ERC2: variants seen among roughly 807,000 people sequenced by gnomAD.
ERC2 encodes ERC protein 2.
ERC2 carries 42 observed loss-of-function variants against 114.8 expected under a neutral mutation model. The observed-to-expected ratio is 0.37, with a 90% CI of 0.29 to 0.47. ERC2 has a LOEUF of 0.47. Ranked by LOEUF, ERC2 falls within the 20% of genes least tolerant of loss-of-function variation. ERC2 has a pLI of 0.99. For synonymous variants in ERC2, 454 were observed against 425.5 expected (o/e 1.07, Z -0.82); for missense variants, 939 against 1,150.7 (o/e 0.82, Z 2.66).
chr3:55,967,313 A>G (rs1020913225), intron 12 of ERC2, among the ~76,000 whole-genome samples: 3 of 152,208 alleles, frequency 2.0e-5, no homozygotes, highest in Admixed American at 6.5e-5. Flanking sequence ...GAAAAACACC[A>G]ACACTAATTA....
chr3:56,162,963 T>C (rs1008756587), intron 4 of ERC2, among the ~76,000 whole-genome samples: 5 of 152,064 alleles, frequency 3.3e-5, no homozygotes, highest in African/African-American at 7.2e-5. Context: ...TGTTAGATTG[T>C]TAATTTGAGA....
intron 2 of ERC2, among the ~76,000 whole-genome samples, chr3:56,329,867 A>C (rs367725601): frequency 6.9e-6 from 1 of 145,850 alleles, no homozygotes; most frequent in Non-Finnish European, 1.5e-5. Context: ...CACCATATAT[A>C]TATTTCCACT....
chr3:55,845,230 C>T (rs1055672392), intron 14 of ERC2, among the ~76,000 whole-genome samples: 1 of 152,094 alleles, frequency 6.6e-6, no homozygotes, highest in Non-Finnish European at 1.5e-5. Flanking sequence ...ATGGGCCAGG[C>T]GCGGTGGCTC....
intron 17 of ERC2, among the ~76,000 whole-genome samples, chr3:55,559,853 G>A (rs981196089): frequency 7.9e-5 from 12 of 152,202 alleles, no homozygotes; most frequent in Non-Finnish European, 1.5e-4. Flanking sequence ...CATATTTCAC[G>A]CTGAATCATC....
At chr3:55,737,543 T>C (rs1386538369) in intron 14 of ERC2, among the ~76,000 whole-genome samples, 1 of 152,214 alleles carries the variant, frequency 6.6e-6, no homozygotes, top group Non-Finnish European at 1.5e-5. Context: ...TCCCCTCTGT[T>C]GCAAACTGAA....
At chr3:55,860,585 A>C (rs2061985779) in intron 14 of ERC2, among the ~76,000 whole-genome samples, 1 of 152,160 alleles carries the variant, frequency 6.6e-6, no homozygotes, top group African/African-American at 2.4e-5. Flanking sequence ...AATTTTCAGA[A>C]AGCCACTCTC....
At chr3:55,997,904 T>G (rs373485968) in intron 10 of ERC2, among the ~76,000 whole-genome samples, 12,278 of 46,242 alleles carry the variant, frequency 0.27, 1,048 homozygotes, top group East Asian at 0.5. Flanking sequence ...TTTTTTTTTT[T>G]TTTGTGTGTG....
intron 6 of ERC2, among the ~76,000 whole-genome samples, chr3:56,136,812 G>C (rs567873804): frequency 6.6e-6 from 1 of 151,216 alleles, no homozygotes; most frequent in African/African-American, 2.4e-5. Context: ...ATCTTAAAAG[G>C]AAAAAAAAGG....
At position 56,232,426 on chromosome 3, in the gene ERC2, G is replaced by A. The variant is rs566668806; in HGVS notation, c.1075-58906C>T. On this transcript the variant is annotated intron_variant, in intron 3 of 17. Coordinates refer to ENST00000288221, the MANE Select transcript of ERC2 (RefSeq NM_015576.3). ...TGGGACAGTCTCCCAAACCAAGCAC[G>A]GTGCCTCTCTAAGGGCTTTTTCCTA... Among the ~76,000 whole-genome samples, 11 of 152,128 alleles carry A rather than the reference G, an allele frequency of 7.2e-5. No homozygotes were observed. In the East Asian group the frequency reaches 2.1e-3, roughly 29 times the overall value.
At chr3:55,875,199 C>T (rs1230293382) in intron 14 of ERC2, among the ~76,000 whole-genome samples, 2 of 152,160 alleles carry the variant, frequency 1.3e-5, no homozygotes, top group South Asian at 4.1e-4. Flanking sequence ...GGAACATTTT[C>T]CAAGAAAACT....
chr3:55,859,519 T>C (rs2149259092), intron 14 of ERC2, among the ~76,000 whole-genome samples: 3 of 152,140 alleles, frequency 2.0e-5, no homozygotes, highest in Non-Finnish European at 4.4e-5. Flanking sequence ...CTGCTCCTAA[T>C]GAATAACAAA....
intron 14 of ERC2, among the ~76,000 whole-genome samples, chr3:55,778,726 T>C (rs752991990): frequency 6.6e-6 from 1 of 152,170 alleles, no homozygotes; most frequent in Non-Finnish European, 1.5e-5. Context: ...CATTAGCCCA[T>C]GCAAAGGATA....
intron 3 of ERC2, among the ~76,000 whole-genome samples, chr3:56,174,975 T>TAA (rs3052701): frequency 6.9e-6 from 1 of 145,224 alleles, no homozygotes; most frequent in African/African-American, 2.6e-5. Context: ...AGACTCTGTC[T>TAA]AAAAAAAAAA....
At chr3:55,661,240 C>T (rs1224943126) in intron 17 of ERC2, among the ~76,000 whole-genome samples, 2 of 152,216 alleles carry the variant, frequency 1.3e-5, no homozygotes, top group African/African-American at 4.8e-5. Context: ...AGGCCAAAAT[C>T]ACCAGGTGTC....
chr3:55,675,914 T>C (rs1418964350), intron 17 of ERC2, among the ~76,000 whole-genome samples: 5 of 72,362 alleles, frequency 6.9e-5, no homozygotes, highest in South Asian at 6.6e-4. Flanking sequence ...TTTTTTTTTT[T>C]TTTTTTTTTT....
At chr3:56,151,283 T>C (rs2081399196) in intron 4 of ERC2, among the ~76,000 whole-genome samples, 1 of 152,134 alleles carries the variant, frequency 6.6e-6, no homozygotes, top group Non-Finnish European at 1.5e-5. Context: ...GCCAGGCTAC[T>C]CTCGAACTCC....
chr3:56,391,788 G>C (rs1264247349), intron 2 of ERC2, among the ~76,000 whole-genome samples: 1 of 152,116 alleles, frequency 6.6e-6, no homozygotes, highest in Non-Finnish European at 1.5e-5. Flanking sequence ...CTTGGGGGGA[G>C]AAAAATGTGC....
intron 3 of ERC2, among the ~76,000 whole-genome samples, chr3:56,290,514 T>G (rs2055013662): frequency 6.6e-6 from 1 of 152,230 alleles, no homozygotes; most frequent in African/African-American, 2.4e-5. Context: ...TAATTAGCTT[T>G]GTTGGTAGAA....
intron 17 of ERC2, among the ~76,000 whole-genome samples, chr3:55,553,026 T>TA (rs997525043): frequency 6.0e-5 from 7 of 117,396 alleles, no homozygotes; most frequent in Non-Finnish European, 8.8e-5. Context: ...TTTTTTTTTT[T>TA]TTTTTTTTTT....
Sources: gnomAD v4.1 joint callset for allele counts (sites outside exome capture counted in the v4.1 genomes callset) on GRCh38, gnomAD v4.1.1 for gene constraint, MANE v1.5 for transcripts, NCBI Gene and HGNC (gene_info 2026-07-23, HGNC 2026-07-21) for gene names.